The following PTGER4 variants were observed in gnomAD, a reference collection of about 807,000 sequenced individuals.
PTGER4 encodes the protein prostaglandin E2 receptor EP4 subtype.
PTGER4 carries 11 observed loss-of-function variants against 33.2 expected under a neutral mutation model. The ratio of observed to expected loss-of-function variants is 0.33; its 90% CI spans 0.21 to 0.55. PTGER4 has a LOEUF of 0.55. Ranked by LOEUF, PTGER4 falls within the 20% of genes least tolerant of loss-of-function variation. The probability of loss-of-function intolerance (pLI) is 0.92; values close to 1 mark genes in which losing one functional copy is unlikely to be tolerated. For missense variants in PTGER4, 481 were observed against 650.2 expected (o/e 0.74, Z 2.83); for synonymous variants, 275 against 281.5 (o/e 0.98, Z 0.23).
chr5:40,743,463 A>C, the PTGER4 span, among the ~76,000 whole-genome samples: 1 of 152,078 alleles, frequency 6.6e-6, no homozygotes, highest in Non-Finnish European at 1.5e-5. Flanking sequence ...ACTTTCAATC[A>C]AGTTTAGTAG....
At position 40,691,655 on chromosome 5, in the gene PTGER4, T is replaced by C; in HGVS notation, c.868-124T>C. ...CTGAGGCTTATTATGTAGCTTCCTCTTTTCCTGGAACTTGTTACCAGAAAT... is the reference window on the plus strand; with the variant it reads ...CTGAGGCTTATTATGTAGCTTCCTCCTTTCCTGGAACTTGTTACCAGAAAT... On this transcript the variant is annotated intron_variant, in intron 2 of 2. Transcript: ENST00000302472. This position sits in a 1 kb window ranked among gnomAD's most constrained non-coding sequence, Gnocchi z 4.2. 7.4e-7 allele frequency: 1 copy of C among 1,344,662 alleles called. No individual in the cohort carries two copies. The highest frequency in any genetic ancestry group is 1.0e-6 in the Non-Finnish European group (1 of 991,828). The allele number at this position is 1,344,662 out of a possible 1,614,324, so 83.3% of individuals were successfully genotyped here. A position where few individuals can be genotyped will look rare whatever the true frequency, so the allele number is the denominator to read the frequency against.
intron 2 of PTGER4, among the ~76,000 whole-genome samples, chr5:40,690,482 A>G (rs1741441001): frequency 6.6e-6 from 1 of 152,202 alleles, no homozygotes; most frequent in Admixed American, 6.5e-5. Flanking sequence ...TTCTTCCATG[A>G]CTTTGCACAT....
chr5:40,746,285 G>A, the PTGER4 span, among the ~76,000 whole-genome samples: 1 of 152,070 alleles, frequency 6.6e-6, no homozygotes, highest in South Asian at 2.1e-4. Context: ...AGCTAAAGAA[G>A]GGCTAAAAAT....
chr5:40,691,932 A>T lies in PTGER4; in HGVS notation c.1021A>T (p.Ile341Leu). The change falls in exon 3 of 3, where the codon ATA becomes TTA. Residue 341 changes from isoleucine (I) to leucine (L), a missense_variant. Ile to Leu is a conservative substitution (Grantham distance 5, BLOSUM62 2). Around this residue, in one of 7 missense-constraint regions of PTGER4, gnomAD observed 172 missense variants for 199.2 expected, o/e 0.86. Coordinates refer to ENST00000302472, the MANE Select transcript of PTGER4 (RefSeq NM_000958.3). The surrounding 1 kb of genome is among the most constrained non-coding windows in gnomAD (Gnocchi z 4.2). ...LLRKTVLSKA[I>L]EKIKCLFCRI... ...GAGAAAGACAGTGCTCAGTAAAGCA[A>T]TAGAGAAGATCAAATGCCTCTTCTG... The T allele has an allele frequency of 6.2e-7, 1 of 1,614,256 alleles. No homozygotes were observed. Among genetic ancestry groups the T allele is most frequent in the East Asian group, 2.2e-5 (1 of 44,886 alleles).
At position 40,692,318 on chromosome 5, in the gene PTGER4, G is replaced by T. The variant is rs1741495256; in HGVS notation, c.1407G>T (p.Gly469=). ...GCAGGGCTGGGCCTGCCCCTAAGGG[G>T]AGCTCCCTGCAAGTCACATTTCCCA... ...GSGRAGPAPK[G]SSLQVTFPSE... Residue 469 remains glycine (G), a synonymous_variant, in exon 3 of 3, where the codon GGG becomes GGT. Transcript: ENST00000302472. 2.5e-6 allele frequency: 4 copies of T among 1,611,756 alleles called. No homozygotes were observed. Among genetic ancestry groups the T allele is most frequent in the Non-Finnish European group, 3.4e-6 (4 of 1,178,882 alleles).
downstream of PTGER4, among the ~76,000 whole-genome samples, chr5:40,695,165 C>G (rs768128058): frequency 6.6e-6 from 1 of 152,188 alleles, no homozygotes. Context: ...AATCTCAACA[C>G]TTTGGGAGGC....
the PTGER4 span, among the ~76,000 whole-genome samples, chr5:40,710,333 T>C: frequency 6.6e-6 from 1 of 152,132 alleles, no homozygotes; most frequent in Non-Finnish European, 1.5e-5. Flanking sequence ...AAAATGCTCA[T>C]CATCACTGGC....
At chr5:40,697,096 G>A (rs925355468), downstream of PTGER4, among the ~76,000 whole-genome samples, 1 of 42,436 alleles carries the variant, frequency 2.4e-5, no homozygotes, top group Non-Finnish European at 4.6e-5. Flanking sequence ...GAAAGAAAGA[G>A]AAAAGAAAGA....
chr5:40,712,941 T>G, the PTGER4 span, among the ~76,000 whole-genome samples: 1 of 152,288 alleles, frequency 6.6e-6, no homozygotes, highest in South Asian at 2.1e-4. Flanking sequence ...TGCAAGTGAC[T>G]AAGGTAAATG....
At chr5:40,694,075 G>A (rs1336410240), downstream of PTGER4, among the ~76,000 whole-genome samples, 1 of 151,914 alleles carries the variant, frequency 6.6e-6, no homozygotes, top group Non-Finnish European at 1.5e-5. Flanking sequence ...TTTTGAGACA[G>A]AGTCTTGCTC....
the PTGER4 span, among the ~76,000 whole-genome samples, chr5:40,728,667 AAATGTAAAC>A: frequency 1.2e-4 from 18 of 152,170 alleles, no homozygotes; most frequent in Non-Finnish European, 2.4e-4. Context: ...ATAACTATGA[AAATGTAAAC>A]GATTCCCTTT....
the PTGER4 span, among the ~76,000 whole-genome samples, chr5:40,723,212 T>A: frequency 6.6e-6 from 1 of 152,108 alleles, no homozygotes; most frequent in African/African-American, 2.4e-5. Context: ...AGATGTGCTT[T>A]GTTAAACAGA....
At position 40,680,020 on chromosome 5, in the gene PTGER4, C is replaced by G. The variant is rs1422594266; in HGVS notation, c.-502C>G. 1 of 152,636 alleles carries G rather than the reference C, an allele frequency of 6.6e-6. No homozygotes were observed. Among genetic ancestry groups the G allele is most frequent in the Admixed American group, 6.5e-5 (1 of 15,296 alleles). 9.5% of individuals were successfully genotyped at this position (152,636 alleles called of 1,614,324 possible). ...GGCAGAGTGGACCCCGAGCCGCCCC[C>G]AGGTAGCCAGGAGCGGCCTCAGCGG... On this transcript the variant is annotated 5_prime_UTR_variant, in exon 1 of 3. Coordinates refer to ENST00000302472, the MANE Select transcript of PTGER4 (RefSeq NM_000958.3). The surrounding 1 kb of genome is among the most constrained non-coding windows in gnomAD (Gnocchi z 5.5).
At chr5:40,738,514 CAATAA>C in the PTGER4 span, among the ~76,000 whole-genome samples, 5,205 of 77,982 alleles carry the variant, frequency 0.067, 276 homozygotes, top group Admixed American at 0.078. Context: ...CAATAAAATA[CAATAA>C]AATAAAATAC....
the PTGER4 span, among the ~76,000 whole-genome samples, chr5:40,723,320 T>C: frequency 1.6e-3 from 240 of 152,144 alleles, no homozygotes; most frequent in African/African-American, 5.7e-3. Flanking sequence ...GTCCTCTGCC[T>C]AGGAAAACCA....
chr5:40,730,654 G>A, the PTGER4 span, among the ~76,000 whole-genome samples: 8 of 152,034 alleles, frequency 5.3e-5, no homozygotes, highest in Non-Finnish European at 8.8e-5. Flanking sequence ...CTTTCAGGAG[G>A]AGCAGTCATG....
At chr5:40,728,055 G>A in the PTGER4 span, among the ~76,000 whole-genome samples, 1 of 151,984 alleles carries the variant, frequency 6.6e-6, no homozygotes, top group Non-Finnish European at 1.5e-5. Context: ...GCCGAGGCTG[G>A]AGAATCATTT....
chr5:40,716,950 T>C, the PTGER4 span, among the ~76,000 whole-genome samples: 8 of 152,136 alleles, frequency 5.3e-5, no homozygotes, highest in Admixed American at 5.2e-4. Flanking sequence ...TGTATTTGGC[T>C]GGGCACGGTG....
At chr5:40,721,069 C>T in the PTGER4 span, among the ~76,000 whole-genome samples, 2 of 152,130 alleles carry the variant, frequency 1.3e-5, no homozygotes, top group Non-Finnish European at 2.9e-5. Flanking sequence ...AGAAAATTCC[C>T]AGCTCCCAGA....
Sources: allele counts gnomAD v4.1 joint callset (sites outside exome capture counted in the v4.1 genomes callset), GRCh38; gene constraint gnomAD v4.1.1; regional missense constraint gnomAD v4.1.1; non-coding constraint Gnocchi (gnomAD v3.1); transcripts MANE v1.5; gene names NCBI Gene and HGNC (gene_info 2026-07-23, HGNC 2026-07-21).